KIF1A: variants seen among roughly 807,000 people sequenced by gnomAD.
KIF1A encodes kinesin family member 1A, also known as kinesin-like protein KIF1A.
A neutral mutation model predicts 227.3 loss-of-function variants in KIF1A; 46 were observed. The ratio of observed to expected loss-of-function variants is 0.20; its 90% CI spans 0.16 to 0.26. KIF1A has a LOEUF of 0.26. Ranked by LOEUF, KIF1A falls within the 10% of genes least tolerant of loss-of-function variation. The probability of loss-of-function intolerance (pLI) is 1.00; values close to 1 mark genes in which losing one functional copy is unlikely to be tolerated. For synonymous variants in KIF1A, 1,022 were observed against 1,012.8 expected, an observed-to-expected ratio of 1.01 and a Z score of -0.17; for missense variants, 1,683 against 2,485.9, an observed-to-expected ratio of 0.68 and a Z score of 6.87.
chr2:240,782,260 T>C (rs1277915608), intron 10 of KIF1A: 1 of 933,400 alleles, frequency 1.1e-6, no homozygotes, highest in African/African-American at 1.8e-5. Context: ...CCCAGCCCTC[T>C]CCATGTCCGA....
At chr2:240,810,674 T>C (rs2057796369) in intron 1 of KIF1A, among the ~76,000 whole-genome samples, 1 of 151,458 alleles carries the variant, frequency 6.6e-6, no homozygotes, top group African/African-American at 2.4e-5. Flanking sequence ...GAATGCAGAG[T>C]CGGCTGCAGG....
intron 25 of KIF1A, among the ~76,000 whole-genome samples, chr2:240,760,086 G>A (rs1353670243): frequency 2.6e-5 from 4 of 151,688 alleles, no homozygotes; most frequent in Admixed American, 6.6e-5. Context: ...AGCAGAGGCC[G>A]AGCTTTAGGA....
At chr2:240,750,906 G>GC (rs1004226605) in intron 27 of KIF1A, among the ~76,000 whole-genome samples, 1 of 152,168 alleles carries the variant, frequency 6.6e-6, no homozygotes, top group Non-Finnish European at 1.5e-5. Flanking sequence ...ACACTGCACT[G>GC]CCCCCCTTTT....
intron 6 of KIF1A, among the ~76,000 whole-genome samples, chr2:240,785,948 ACTGCAGCCGACCCTCCCCACATGCCCC>A (rs1485201528): frequency 6.6e-6 from 1 of 152,150 alleles, no homozygotes; most frequent in African/African-American, 2.4e-5. Flanking sequence ...TGGCTGCAGC[ACTGCAGCCGACCCTCCCCACATGCCCC>A]CTGACCCCAG....
At chr2:240,791,083 G>A (rs1192912263) in intron 2 of KIF1A, among the ~76,000 whole-genome samples, 16 of 151,928 alleles carry the variant, frequency 1.1e-4, no homozygotes, top group Non-Finnish European at 1.5e-4. Context: ...CAGGCACCCC[G>A]GGCAGCCAGC....
rs60462300 is a variant in KIF1A at position 240,778,511 on chromosome 2, T to TACACACACACACACACACACACAC, written c.883-2609_883-2586dup. Among the ~76,000 whole-genome samples the TACACACACACACACACACACACAC allele has an allele frequency of 7.2e-3, 969 of 134,140 alleles. 16 individuals are homozygous for TACACACACACACACACACACACAC. Among genetic ancestry groups the TACACACACACACACACACACACAC allele is most frequent in the African/African-American group, 0.019 (633 of 32,914 alleles). 88.0% of individuals were successfully genotyped at this position (134,140 alleles called of 152,430 possible). A position where few individuals can be genotyped will look rare whatever the true frequency, so the allele number is the denominator to read the frequency against. On this transcript the variant is annotated intron_variant, in intron 10 of 48. Coordinates refer to ENST00000498729, the MANE Select transcript of KIF1A (RefSeq NM_001244008.2). The surrounding 1 kb of genome is among the most constrained non-coding windows in gnomAD (Gnocchi z 7.2). ...GGCGCTCGCAGCTCCCGCACAGCGT[T>TACACACACACACACACACACACAC]ACACACACACACACACACACACACA...
intron 28 of KIF1A, among the ~76,000 whole-genome samples, chr2:240,748,460 G>C (rs916133521): frequency 6.6e-6 from 1 of 152,188 alleles, no homozygotes; most frequent in African/African-American, 2.4e-5. Context: ...CCCACTCTCA[G>C]GAAGTGGCTG....
chr2:240,798,272 G>T (rs1016637764), intron 1 of KIF1A, among the ~76,000 whole-genome samples: 2 of 152,214 alleles, frequency 1.3e-5, no homozygotes, highest in Non-Finnish European at 2.9e-5. Flanking sequence ...CACACCAAGC[G>T]CCAGCTGGTA....
intron 48 of KIF1A, 82 bp downstream of exon 48, chr2:240,717,968 G>A (rs2044756578): frequency 2.3e-6 from 2 of 854,480 alleles, no homozygotes; most frequent in Non-Finnish European, 3.8e-6. Flanking sequence ...CCTGCAGCAG[G>A]GCCCTATCAA....
intron 19 of KIF1A, 83 bp from the exon 20 acceptor site, chr2:240,765,876 A>G (rs1361068904): frequency 3.1e-6 from 3 of 963,946 alleles, no homozygotes; most frequent in South Asian, 1.3e-5. Flanking sequence ...GCCCCCGGGC[A>G]TGGCCTCTTC....
chr2:240,737,470 G>A (rs2047474628), intron 37 of KIF1A: 2 of 195,110 alleles, frequency 1.0e-5, no homozygotes, highest in South Asian at 2.6e-4. Flanking sequence ...CCTGACTGCT[G>A]GAAAAGGAAG....
At chr2:240,764,129 G>A (rs1449136945) in intron 20 of KIF1A, among the ~76,000 whole-genome samples, 1 of 152,166 alleles carries the variant, frequency 6.6e-6, no homozygotes, top group Non-Finnish European at 1.5e-5. Context: ...GCCCCATAGA[G>A]CCGGCTCTGC....
intron 8 of KIF1A, among the ~76,000 whole-genome samples, 164 bp from the exon 9 acceptor site, chr2:240,783,273 G>A (rs2054303973): frequency 6.6e-6 from 1 of 152,162 alleles, no homozygotes; most frequent in Non-Finnish European, 1.5e-5. Flanking sequence ...CAGAAAGCCA[G>A]CTGGAGCCTC....
intron 43 of KIF1A, 146 bp from the exon 44 acceptor site, chr2:240,722,030 AC>A (rs1427830889): frequency 2.0e-5 from 13 of 657,042 alleles, no homozygotes; most frequent in Non-Finnish European, 3.5e-5. Flanking sequence ...CAGCACCTCC[AC>A]CCCGCCCAGG....
rs1559469883 is a variant in KIF1A at position 240,716,126 on chromosome 2, C to T, written c.*1238G>A. 1 of 152,134 alleles carries T rather than the reference C, an allele frequency of 6.6e-6. No homozygotes were observed. The highest frequency in any genetic ancestry group is 1.5e-5 in the Non-Finnish European group (1 of 68,066). 9.4% of individuals were successfully genotyped at this position (152,134 alleles called of 1,614,324 possible). A position where few individuals can be genotyped will look rare whatever the true frequency, so the allele number is the denominator to read the frequency against. On this transcript the variant is annotated 3_prime_UTR_variant, in exon 49 of 49. Transcript: ENST00000498729. ...CAAAGGGACACCGCAGATGCAGCAG[C>T]GAAGAGCTCCTTGAAGACAATAACC...
rs2050046618 is a variant in KIF1A at position 240,757,776 on chromosome 2, A to G, written c.2583-182T>C. ...GTGCCCCCAGGCTTGGAAAGAAATCACATGTATGGCCAGCAGGAAGGTTCC... is the reference window on the plus strand; with the variant it reads ...GTGCCCCCAGGCTTGGAAAGAAATCGCATGTATGGCCAGCAGGAAGGTTCC... On this transcript the variant is annotated intron_variant, in intron 26 of 48. Transcript: ENST00000498729. The surrounding 1 kb of genome is among the most constrained non-coding windows in gnomAD (Gnocchi z 6.2). Among the ~76,000 whole-genome samples the G allele has an allele frequency of 6.6e-6, 1 of 152,100 alleles. No homozygotes were observed. The highest frequency in any genetic ancestry group is 1.5e-5 in the Non-Finnish European group (1 of 68,010).
rs1394739630 is a variant in KIF1A at position 240,716,255 on chromosome 2, G to A, written c.*1109C>T. ...ACTCTCTGCCCTGGGAACAAAGAGA[G>A]GAAAGTCTTTGCAAGAAACCTGCTA... On this transcript the variant is annotated 3_prime_UTR_variant, in exon 49 of 49. Transcript: ENST00000498729. 3 of 152,292 alleles carry A rather than the reference G, an allele frequency of 2.0e-5. No homozygotes were observed. The East Asian group carries it at 5.6e-4, about 29-fold the overall frequency. The allele number at this position is 152,292 out of a possible 1,614,324, so 9.4% of individuals were successfully genotyped here.
intron 33 of KIF1A, among the ~76,000 whole-genome samples, chr2:240,743,209 C>A (rs1343842920): frequency 6.6e-6 from 1 of 152,182 alleles, no homozygotes; most frequent in Non-Finnish European, 1.5e-5. Context: ...GCTCTGGCTC[C>A]CAGTCCAGAG....
chr2:240,760,641 C>T, intron 25 of KIF1A, 24 bp downstream of exon 25: 1 of 1,437,006 alleles, frequency 7.0e-7, no homozygotes, highest in Non-Finnish European at 9.1e-7. Context: ...TCCCACCATC[C>T]ACCCAGCGGC....
Sources: allele counts gnomAD v4.1 joint callset (sites outside exome capture counted in the v4.1 genomes callset), GRCh38; gene constraint gnomAD v4.1.1; non-coding constraint Gnocchi (gnomAD v3.1); transcripts MANE v1.5; gene names NCBI Gene and HGNC (gene_info 2026-07-23, HGNC 2026-07-21).